Variants in DRC9 observed in about 807,000 individuals in gnomAD.
DRC9 encodes dynein regulatory complex subunit 9.
the DRC9 span, among the ~76,000 whole-genome samples, chr3:197,952,001 A>C: frequency 6.6e-6 from 1 of 152,126 alleles, no homozygotes; most frequent in African/African-American, 2.4e-5. Flanking sequence ...GTGGTGTTGG[A>C]TTTAGGTACC....
the DRC9 span, among the ~76,000 whole-genome samples, chr3:197,904,537 G>A: frequency 6.6e-6 from 1 of 152,184 alleles, no homozygotes; most frequent in Admixed American, 6.5e-5. Flanking sequence ...AGATTTGGAA[G>A]CAATGTAAGT....
chr3:197,903,955 A>G, the DRC9 span, among the ~76,000 whole-genome samples: 3 of 149,776 alleles, frequency 2.0e-5, no homozygotes, highest in Admixed American at 6.7e-5. Context: ...CTCTCTCTCT[A>G]TGTGTATAAC....
At chr3:197,926,384 A>C in the DRC9 span, among the ~76,000 whole-genome samples, 202 of 152,344 alleles carry the variant, frequency 1.3e-3, no homozygotes, top group African/African-American at 4.7e-3. Flanking sequence ...GTCGAATCTA[A>C]AAATAGCTGC....
chr3:197,913,325 T>TGTGCGTGCGTGTGTGCGTGC, the DRC9 span: 2 of 190,432 alleles, frequency 1.1e-5, no homozygotes, highest in South Asian at 1.0e-4. Context: ...GCTTTGCGTG[T>TGTGCGTGCGTGTGTGCGTGC]GTGCGTGCGT....
chr3:197,937,126 G>A, the DRC9 span, among the ~76,000 whole-genome samples: 1 of 152,180 alleles, frequency 6.6e-6, no homozygotes, highest in Non-Finnish European at 1.5e-5. Flanking sequence ...TTCAAAAACA[G>A]ACTTCAGACT....
chr3:197,933,335 G>A, the DRC9 span, among the ~76,000 whole-genome samples: 6 of 151,772 alleles, frequency 4.0e-5, no homozygotes, highest in African/African-American at 1.4e-4. Flanking sequence ...CAGCTACTCG[G>A]GAGGCTGAGG....
At chr3:197,950,232 G>T in the DRC9 span, 23 of 1,230,882 alleles carry the variant, frequency 1.9e-5, no homozygotes, top group African/African-American at 2.6e-4. Context: ...GTGAGTGAAG[G>T]GTCTGCTGCT....
chr3:197,919,911 C>T, the DRC9 span, among the ~76,000 whole-genome samples: 20 of 151,948 alleles, frequency 1.3e-4, no homozygotes, highest in African/African-American at 4.8e-4. Flanking sequence ...ATTAAATTAA[C>T]ATTTACAGCC....
the DRC9 span, among the ~76,000 whole-genome samples, chr3:197,918,315 G>A: frequency 2.1e-5 from 3 of 141,458 alleles, no homozygotes; most frequent in Admixed American, 7.3e-5. Context: ...TGTTGCCCAG[G>A]CTGGTCTCAA....
the DRC9 span, among the ~76,000 whole-genome samples, chr3:197,931,209 C>T: frequency 3.3e-5 from 5 of 151,464 alleles, no homozygotes; most frequent in East Asian, 2.0e-4. Flanking sequence ...AGGCCGAGCG[C>T]GGTGGCTCAT....
At chr3:197,953,978 CTCT>C in the DRC9 span, 1 of 1,611,766 alleles carries the variant, frequency 6.2e-7, no homozygotes, top group South Asian at 1.1e-5. Context: ...GCTTGTATTC[CTCT>C]TCTTTCCCTT....
At chr3:197,952,845 T>C in the DRC9 span, among the ~76,000 whole-genome samples, 2 of 152,068 alleles carry the variant, frequency 1.3e-5, no homozygotes, top group Non-Finnish European at 2.9e-5. Context: ...ACTTTTTTTT[T>C]TTTTTGAGAC....
the DRC9 span, among the ~76,000 whole-genome samples, chr3:197,934,183 CTTTT>C: frequency 1.0e-5 from 1 of 99,508 alleles, no homozygotes. Flanking sequence ...CATTCTGGGT[CTTTT>C]TTTTTTTTTT....
chr3:197,934,872 C>A, the DRC9 span, among the ~76,000 whole-genome samples: 1 of 149,554 alleles, frequency 6.7e-6, no homozygotes, highest in Non-Finnish European at 1.5e-5. Flanking sequence ...GTAGTCCCTG[C>A]CACTTGGGAG....
the DRC9 span, chr3:197,955,826 T>C: frequency 6.9e-7 from 1 of 1,441,028 alleles, no homozygotes; most frequent in Non-Finnish European, 9.8e-7. Context: ...TATTTTTAAG[T>C]GGATTAAAAA....
At chr3:197,937,643 C>G in the DRC9 span, among the ~76,000 whole-genome samples, 1 of 152,014 alleles carries the variant, frequency 6.6e-6, no homozygotes, top group Non-Finnish European at 1.5e-5. Flanking sequence ...CCACGCCTGG[C>G]TAATTTTTGT....
chr3:197,912,195 T>C, the DRC9 span, among the ~76,000 whole-genome samples: 2 of 151,938 alleles, frequency 1.3e-5, no homozygotes, highest in Admixed American at 1.3e-4. Flanking sequence ...CGCACCACCA[T>C]GCCCGGCTAA....
chr3:197,899,341 C>T, the DRC9 span, among the ~76,000 whole-genome samples: 7 of 152,166 alleles, frequency 4.6e-5, no homozygotes, highest in Non-Finnish European at 1.0e-4. Context: ...ATTCACGCTG[C>T]CAAGCATAAC....
chr3:197,937,487 C>T, the DRC9 span, among the ~76,000 whole-genome samples: 1 of 149,758 alleles, frequency 6.7e-6, no homozygotes, highest in African/African-American at 2.5e-5. Context: ...TTTTTCAAGA[C>T]AGAGTCTTGC....
Sources: gnomAD v4.1 joint callset for allele counts (sites outside exome capture counted in the v4.1 genomes callset) on GRCh38, gnomAD v4.1.1 for gene constraint, MANE v1.5 for transcripts, NCBI Gene and HGNC (gene_info 2026-07-23, HGNC 2026-07-21) for gene names.